The following PRDM2 variants were observed in gnomAD, a reference collection of about 807,000 sequenced individuals.
PRDM2 encodes PR/SET domain 2, also known as PR domain zinc finger protein 2.
In PRDM2, 30 loss-of-function variants were observed where a neutral mutation model predicts 130.0. That is an observed-to-expected ratio of 0.23 (90% CI 0.17 to 0.31). The LOEUF is 0.31. Ranked by LOEUF, PRDM2 falls within the 10% of genes least tolerant of loss-of-function variation. The probability of loss-of-function intolerance (pLI) is 1.00; values close to 1 mark genes in which losing one functional copy is unlikely to be tolerated. For missense variants in PRDM2, 2,011 were observed against 2,108.4 expected, an observed-to-expected ratio of 0.95 and a Z score of 0.90; for synonymous variants, 871 against 782.4, an observed-to-expected ratio of 1.11 and a Z score of -1.89.
chr1:13,747,064 C>G (rs1314086801), intron 5 of PRDM2, among the ~76,000 whole-genome samples: 1 of 152,204 alleles, frequency 6.6e-6, no homozygotes, highest in Non-Finnish European at 1.5e-5. Context: ...GTTGCTAGTT[C>G]AGTTAGCACT....
intron 2 of PRDM2, among the ~76,000 whole-genome samples, chr1:13,725,418 T>A: frequency 6.6e-6 from 1 of 152,144 alleles, no homozygotes; most frequent in East Asian, 1.9e-4. Context: ...TTGGCCAGGT[T>A]GGTCTTGAAC....
At position 13,811,400 on chromosome 1, in the gene PRDM2, TG is replaced by T. The variant is rs375388370; in HGVS notation, c.5037-5023del. On this transcript the variant is annotated intron_variant, in intron 8 of 9. Coordinates refer to ENST00000311066, the MANE Select transcript of PRDM2 (RefSeq NM_001393986.1). ...ACTGTGCTCGCCCCCTGCTGGCTGA[TG>T]GGGCATCCCCTTGTAACTGGAGGCA... 2.8e-3 allele frequency among the ~76,000 whole-genome samples: 423 copies of T among 152,282 alleles called. 1 individual carries two copies. The highest frequency in any genetic ancestry group is 9.7e-3 in the African/African-American group (404 of 41,564).
chr1:13,779,309 T>A lies in PRDM2; in HGVS notation c.1514T>A (p.Val505Asp). 1 of 1,613,990 alleles carries A rather than the reference T, an allele frequency of 6.2e-7. No homozygotes were observed. The highest frequency in any genetic ancestry group is 8.5e-7 in the Non-Finnish European group (1 of 1,179,956). ...AATATGAGACGGCATCAGCGTAGAG[T>A]TCACGAACGTCATCTGATTCCCAAA... Reference protein sequence around the residue: ...HTNMRRHQRRVHERHLIPKGV... With the variant: ...HTNMRRHQRRDHERHLIPKGV... Residue 505 changes from valine (V) to aspartate (D), a missense_variant, in exon 8 of 10, where the codon GTT becomes GAT. By Grantham distance (152) the Val-to-Asp change is radical. Coordinates refer to ENST00000311066, the MANE Select transcript of PRDM2 (RefSeq NM_001393986.1). The surrounding 1 kb of genome is among the most constrained non-coding windows in gnomAD (Gnocchi z 4.9).
chr1:13,778,432 G>A lies in PRDM2; in HGVS notation c.637G>A (p.Glu213Lys), dbSNP rs771554412. The A allele has an allele frequency of 7.5e-6, 12 of 1,602,984 alleles. No individual in the cohort carries two copies. Among genetic ancestry groups the A allele is most frequent in the Admixed American group, 5.3e-5 (3 of 56,730 alleles). ...RDSAEGPKED[E>K]EKPSASALEQ... ...GTGCTTTCTAGGTCCTAAAGAAGACGAAGAGAAGCCTTCAGCCTCAGCACT... is the reference window on the plus strand; with the variant it reads ...GTGCTTTCTAGGTCCTAAAGAAGACAAAGAGAAGCCTTCAGCCTCAGCACT... The change falls in exon 8 of 10, where the codon GAA (glutamate) becomes AAA (lysine). Residue 213 changes from glutamate (E) to lysine (K), a missense_variant. Glu to Lys is a moderately conservative substitution (Grantham distance 56). Transcript: ENST00000311066.
chr1:13,798,183 G>A (rs1016307744), intron 8 of PRDM2, among the ~76,000 whole-genome samples: 1 of 152,080 alleles, frequency 6.6e-6, no homozygotes. Flanking sequence ...CTCAGTATTT[G>A]TGGAAGAAAA....
intron 4 of PRDM2, among the ~76,000 whole-genome samples, chr1:13,739,349 A>G (rs1643370693): frequency 6.6e-6 from 1 of 152,144 alleles, no homozygotes; most frequent in Non-Finnish European, 1.5e-5. Context: ...TGCCTGGCCT[A>G]TAAATGCTTT....
intron 1 of PRDM2, among the ~76,000 whole-genome samples, chr1:13,702,921 A>G (rs373262528): frequency 2.3e-4 from 35 of 152,322 alleles, no homozygotes; most frequent in African/African-American, 7.9e-4. Context: ...GACGATGGGT[A>G]GCTAAGGGAG....
At chr1:13,719,679 A>G (rs914002386) in intron 2 of PRDM2, among the ~76,000 whole-genome samples, 4 of 152,242 alleles carry the variant, frequency 2.6e-5, no homozygotes, top group Non-Finnish European at 2.9e-5. Context: ...AAAATGGTGT[A>G]TAAGCATTTC....
intron 1 of PRDM2, among the ~76,000 whole-genome samples, chr1:13,713,932 G>A (rs1642453522): frequency 6.6e-6 from 1 of 151,878 alleles, no homozygotes; most frequent in African/African-American, 2.4e-5. Flanking sequence ...GCAGTGGCAC[G>A]ATCTCGGCTC....
intron 6 of PRDM2, among the ~76,000 whole-genome samples, chr1:13,755,621 A>G (rs1415636099): frequency 6.6e-6 from 1 of 151,790 alleles, no homozygotes; most frequent in East Asian, 1.9e-4. Context: ...ACACTAGGTT[A>G]TTTTTCTAAA....
In PRDM2 at chr1:13,783,843, T is replaced by G. The variant is rs373381095; in HGVS notation, c.5036+1012T>G. On this transcript the variant is annotated intron_variant, in intron 8 of 9. Coordinates refer to ENST00000311066, the MANE Select transcript of PRDM2 (RefSeq NM_001393986.1). ...CACAGGATGCCACCTGACTCTAGGC[T>G]TTCATGCTATAGCTTTTGGTGTCTG... is the stretch of plus-strand genomic sequence containing the variant. 6.6e-5 allele frequency among the ~76,000 whole-genome samples: 10 copies of G among 152,306 alleles called. 1 individual carries two copies. In the South Asian group the frequency reaches 1.9e-3, roughly 28 times the overall value.
At chr1:13,767,976 A>G (rs1644266860) in intron 6 of PRDM2, among the ~76,000 whole-genome samples, 1 of 152,094 alleles carries the variant, frequency 6.6e-6, no homozygotes, top group Non-Finnish European at 1.5e-5. Flanking sequence ...AGACAGAGTA[A>G]GACCCTGTCT....
chr1:13,758,639 C>T (rs898793920), intron 6 of PRDM2, among the ~76,000 whole-genome samples: 1 of 151,886 alleles, frequency 6.6e-6, no homozygotes, highest in Non-Finnish European at 1.5e-5. Context: ...AAACTTGGTG[C>T]GTATATTAAG....
At chr1:13,816,699 G>A (rs1645264330) in intron 9 of PRDM2, 129 bp downstream of exon 9, 1 of 1,258,882 alleles carries the variant, frequency 7.9e-7, no homozygotes, top group Non-Finnish European at 1.1e-6. Flanking sequence ...CAGGCACGGT[G>A]CAGGGCCTCC....
intron 1 of PRDM2, among the ~76,000 whole-genome samples, 176 bp downstream of exon 1, chr1:13,700,476 C>A (rs928854804): frequency 6.7e-6 from 1 of 150,304 alleles, no homozygotes; most frequent in African/African-American, 2.4e-5. Flanking sequence ...GGCCCCGGGA[C>A]GAGGCGCGGG....
intron 5 of PRDM2, among the ~76,000 whole-genome samples, chr1:13,748,152 G>A (rs1643671999): frequency 6.6e-6 from 1 of 152,156 alleles, no homozygotes; most frequent in Admixed American, 6.5e-5. Context: ...TCTGTGCATC[G>A]TATCAGGAGA....
chr1:13,814,603 A>G (rs1362345136), intron 8 of PRDM2, among the ~76,000 whole-genome samples: 2 of 152,138 alleles, frequency 1.3e-5, no homozygotes, highest in Non-Finnish European at 2.9e-5. Flanking sequence ...GTTTGGCAGC[A>G]CCCCTGGCCT....
intron 8 of PRDM2, among the ~76,000 whole-genome samples, chr1:13,813,281 G>A (rs183163090): frequency 2.6e-5 from 4 of 152,298 alleles, no homozygotes; most frequent in East Asian, 3.9e-4. Context: ...GAGGCTCTGC[G>A]CTAACTGCTA....
intron 6 of PRDM2, chr1:13,770,408 T>A: frequency 7.1e-6 from 3 of 422,800 alleles, no homozygotes; most frequent in Non-Finnish European, 1.4e-5. Flanking sequence ...GATATAAATC[T>A]AGACATTTTA....
Sources: allele counts gnomAD v4.1 joint callset (sites outside exome capture counted in the v4.1 genomes callset), GRCh38; gene constraint gnomAD v4.1.1; non-coding constraint Gnocchi (gnomAD v3.1); transcripts MANE v1.5; gene names NCBI Gene and HGNC (gene_info 2026-07-23, HGNC 2026-07-21).